The following NAV1 variants were observed in gnomAD, a reference collection of about 807,000 sequenced individuals.
NAV1 encodes neuron navigator 1.
NAV1 carries 18 observed loss-of-function variants against 175.2 expected under a neutral mutation model. The ratio of observed to expected loss-of-function variants is 0.10; its 90% CI spans 0.07 to 0.15. The LOEUF (loss-of-function observed/expected upper bound fraction) is 0.15. Ranked by LOEUF, NAV1 falls within the 10% of genes least tolerant of loss-of-function variation. The pLI is 1.00. For synonymous variants in NAV1, 897 were observed against 978.7 expected, an observed-to-expected ratio of 0.92 and a Z score of 1.56; for missense variants, 1,731 against 2,436.6, an observed-to-expected ratio of 0.71 and a Z score of 6.10.
Position 201,808,201 on chromosome 1 carries a change from G to A in NAV1, c.3845+52G>A, listed in dbSNP as rs374266995. The stretch of plus-strand genomic sequence containing the variant: ...CCAGCCTGTTACCAGTGTAAGCTGT[G>A]GGCTAGAGTTGACAGGAGGCCATTA... On this transcript the variant is annotated intron_variant, in intron 18 of 29. Transcript: ENST00000367296. This position sits in a 1 kb window ranked among gnomAD's most constrained non-coding sequence, Gnocchi z 5.5. The A allele has an allele frequency of 1.3e-6, 2 of 1,595,202 alleles. No individual in the cohort carries two copies. Among genetic ancestry groups the A allele is most frequent in the African/African-American group, 2.7e-5 (2 of 74,478 alleles).
chr1:201,590,532 C>T (rs1180026277), intron 2 of NAV1, among the ~76,000 whole-genome samples: 1 of 152,178 alleles, frequency 6.6e-6, no homozygotes, highest in Non-Finnish European at 1.5e-5. Flanking sequence ...AGAAAGTTTC[C>T]ATCAATCCTC....
chr1:201,618,459 T>C (rs1158785414), upstream of NAV1, among the ~76,000 whole-genome samples: 1 of 152,024 alleles, frequency 6.6e-6, no homozygotes, highest in Non-Finnish European at 1.5e-5. Flanking sequence ...CTATGACTGA[T>C]CTTCTCTTCT....
At chr1:201,548,967 T>C (rs1464893849) in intron 1 of NAV1, among the ~76,000 whole-genome samples, 1 of 152,132 alleles carries the variant, frequency 6.6e-6, no homozygotes, top group African/African-American at 2.4e-5. Flanking sequence ...TGGGAAGAGG[T>C]GGGACAGGAA....
chr1:201,826,147 C>CT lies in NAV1; in HGVS notation c.*6215_*6216insT, dbSNP rs1679657250. The CT allele has an allele frequency of 1.3e-5, 2 of 152,164 alleles. 1 individual carries two copies. The highest frequency in any genetic ancestry group is 1.3e-4 in the Admixed American group (2 of 15,266). The allele number at this position is 152,164 out of a possible 1,614,324, so 9.4% of individuals were successfully genotyped here. On this transcript the variant is annotated 3_prime_UTR_variant, in exon 30 of 30. Transcript: ENST00000367296. ...AACATACAGTGCTAGTAACAGGTCT[C>CT]CTGCGCCCTGGAACTAAGTGTTTGG...
intron 3 of NAV1, among the ~76,000 whole-genome samples, chr1:201,753,335 A>G (rs1221980332): frequency 6.6e-6 from 1 of 152,234 alleles, no homozygotes; most frequent in Non-Finnish European, 1.5e-5. Flanking sequence ...CAATTGTGCT[A>G]TATTAAATTT....
At chr1:201,704,078 C>T (rs1286169139) in intron 1 of NAV1, among the ~76,000 whole-genome samples, 1 of 152,186 alleles carries the variant, frequency 6.6e-6, no homozygotes, top group East Asian at 1.9e-4. Context: ...TCCCTGGTGC[C>T]GAAGGCTGGT....
chr1:201,582,540 C>G (rs1014451075), intron 1 of NAV1, among the ~76,000 whole-genome samples: 2 of 152,190 alleles, frequency 1.3e-5, no homozygotes, highest in African/African-American at 4.8e-5. Context: ...GACTCAGGAC[C>G]CTGGGACAGT....
At chr1:201,591,079 C>G (rs1420785582) in intron 2 of NAV1, among the ~76,000 whole-genome samples, 1 of 152,146 alleles carries the variant, frequency 6.6e-6, no homozygotes, top group African/African-American at 2.4e-5. Context: ...CTATTCTGTC[C>G]CCTGCTGAAT....
At chr1:201,642,273 C>T (rs1271238961) in intron 2 of NAV1, among the ~76,000 whole-genome samples, 3 of 150,218 alleles carry the variant, frequency 2.0e-5, no homozygotes, top group African/African-American at 7.4e-5. Flanking sequence ...AGTGCAGTGG[C>T]GCGATCTCGG....
At chr1:201,818,343 A>G (rs918570945) in intron 29 of NAV1, among the ~76,000 whole-genome samples, 2 of 152,096 alleles carry the variant, frequency 1.3e-5, no homozygotes, top group African/African-American at 4.8e-5. Flanking sequence ...CCTGGCCAAC[A>G]TGGTGAAACC....
At chr1:201,803,491 G>T in intron 15 of NAV1, 102 bp from the exon 20 acceptor site, 3 of 1,201,956 alleles carry the variant, frequency 2.5e-6, no homozygotes, top group East Asian at 2.5e-5. Context: ...TTGAGGAGTT[G>T]GTTGGTTCTC....
intron 13 of NAV1, chr1:201,792,135 A>T (rs989069913): frequency 3.3e-5 from 5 of 152,026 alleles, no homozygotes; most frequent in Non-Finnish European, 7.4e-5. Context: ...CTAAGAGAGA[A>T]CAAACTAAAC....
At chr1:201,675,498 G>A (rs958174260) in intron 1 of NAV1, among the ~76,000 whole-genome samples, 6 of 152,174 alleles carry the variant, frequency 3.9e-5, no homozygotes, top group Admixed American at 6.5e-5. Flanking sequence ...CACTTAGCCT[G>A]CTCAAAGGAA....
chr1:201,790,718 A>G, exon 13 of NAV1: 1 of 1,614,130 alleles, frequency 6.2e-7, no homozygotes, highest in Non-Finnish European at 8.5e-7. Context: ...GGGAACTGGA[A>G]TCATCCCAGG....
Position 201,749,771 on chromosome 1 carries a change from C to T in NAV1, c.1227-30650C>T, listed in dbSNP as rs566726931. On this transcript the variant is annotated intron_variant, in intron 3 of 29. Transcript: ENST00000367296. ...GCAAAATTAGCCAGGCATGGTGACA[C>T]ATACCTGTGGTCCTGGCTACTCAGG... 7.9e-5 allele frequency among the ~76,000 whole-genome samples: 12 copies of T among 152,312 alleles called. No individual in the cohort carries two copies. In the East Asian group the frequency reaches 2.3e-3, roughly 29 times the overall value.
chr1:201,734,742 T>G (rs2102534621), intron 3 of NAV1, among the ~76,000 whole-genome samples: 1 of 152,194 alleles, frequency 6.6e-6, no homozygotes, highest in East Asian at 1.9e-4. Flanking sequence ...ATCTGCCCAG[T>G]GACCCCAGGT....
At chr1:201,540,062 A>G (rs1387756089) in intron 1 of NAV1, among the ~76,000 whole-genome samples, 1 of 152,224 alleles carries the variant, frequency 6.6e-6, no homozygotes, top group Non-Finnish European at 1.5e-5. Context: ...GCTAATCCCC[A>G]GAGCCGATAA....
chr1:201,825,652 GT>G (rs1049411366), exon 30 of NAV1: 3 of 152,074 alleles, frequency 2.0e-5, no homozygotes, highest in African/African-American at 7.2e-5. Context: ...TCCTTTTTTT[GT>G]TGTTTTCTGT....
At chr1:201,744,682 G>T (rs372671781) in intron 3 of NAV1, among the ~76,000 whole-genome samples, 1 of 152,170 alleles carries the variant, frequency 6.6e-6, no homozygotes, top group South Asian at 2.1e-4. Flanking sequence ...GAGCTTCCTA[G>T]AGGAGGCAGC....
Sources: gnomAD v4.1 joint callset for allele counts (sites outside exome capture counted in the v4.1 genomes callset) on GRCh38, gnomAD v4.1.1 for gene constraint, Gnocchi (gnomAD v3.1) non-coding constraint, MANE v1.5 for transcripts, NCBI Gene and HGNC (gene_info 2026-07-23, HGNC 2026-07-21) for gene names.